The following DNAAF5 variants were observed in gnomAD, a reference collection of about 807,000 sequenced individuals.
DNAAF5 encodes HEAT repeat containing 2.
Under a neutral mutation model 75.8 loss-of-function variants are expected in DNAAF5, and 64 were observed. The ratio of observed to expected loss-of-function variants is 0.84; its 90% CI spans 0.69 to 1.04. DNAAF5 has a LOEUF of 1.04. DNAAF5 is among the 50% of genes least tolerant of loss of function. The pLI is 0.00. For synonymous variants in DNAAF5, 657 were observed against 557.2 expected (o/e 1.18, Z -2.52); for missense variants, 1,269 against 1,178.5 (o/e 1.08, Z -1.12).
At chr7:741,505 C>G (rs1338004589) in intron 4 of DNAAF5, 40 bp downstream of exon 4, 2 of 1,285,354 alleles carry the variant, frequency 1.6e-6, no homozygotes, top group African/African-American at 1.5e-5. Context: ...GGAGGCGAGC[C>G]CTTGTTGGGT....
intron 4 of DNAAF5, among the ~76,000 whole-genome samples, chr7:748,480 G>T (rs1261032225): frequency 6.6e-6 from 1 of 152,224 alleles, no homozygotes; most frequent in Non-Finnish European, 1.5e-5. Context: ...GTGTTTCTGA[G>T]TGCGGAGTTT....
chr7:741,338 G>C lies in DNAAF5; in HGVS notation c.906-9G>C, dbSNP rs1433349523. 4 of 1,583,062 alleles carry C rather than the reference G, an allele frequency of 2.5e-6. No homozygotes were observed. The highest frequency in any genetic ancestry group is 3.4e-6 in the Non-Finnish European group (4 of 1,164,328). On this transcript the variant is annotated splice_polypyrimidine_tract_variant and intron_variant, in intron 3 of 12. Coordinates refer to ENST00000297440, the MANE Select transcript of DNAAF5 (RefSeq NM_017802.4). Reference sequence around the variant, plus strand: ...CCTGAGCCACTGTTGTCTGTCTGTTGTGCCTCAGGCAGCTGGCTGCCAGCC... The same window carrying C: ...CCTGAGCCACTGTTGTCTGTCTGTTCTGCCTCAGGCAGCTGGCTGCCAGCC...
At chr7:747,009 G>C (rs185756651) in intron 4 of DNAAF5, among the ~76,000 whole-genome samples, 1 of 152,326 alleles carries the variant, frequency 6.6e-6, no homozygotes, top group East Asian at 1.9e-4. Context: ...GTTCCCTCCC[G>C]TGGATGGACC....
intron 4 of DNAAF5, among the ~76,000 whole-genome samples, chr7:744,489 C>T (rs1008733595): frequency 3.3e-5 from 5 of 151,994 alleles, no homozygotes; most frequent in East Asian, 3.9e-4. Context: ...GGTATGTGGG[C>T]GAAGGACATG....
intron 8 of DNAAF5, among the ~76,000 whole-genome samples, chr7:766,613 T>C (rs1048244394): frequency 6.6e-6 from 1 of 152,132 alleles, no homozygotes; most frequent in Non-Finnish European, 1.5e-5. Flanking sequence ...TGACACAAAA[T>C]GAGAACAAAA....
chr7:732,027 C>T lies in DNAAF5; in HGVS notation c.780+2180C>T, dbSNP rs767268092. ...AAACCTTCCAGCAGCCTGCTAGACTCGGCTTAAATCACTGAACTTCACTGG... is the reference window on the plus strand; with the variant it reads ...AAACCTTCCAGCAGCCTGCTAGACTTGGCTTAAATCACTGAACTTCACTGG... On this transcript the variant is annotated intron_variant, in intron 2 of 12. Coordinates refer to ENST00000297440, the MANE Select transcript of DNAAF5 (RefSeq NM_017802.4). 1.4e-4 allele frequency among the ~76,000 whole-genome samples: 21 copies of T among 152,342 alleles called. No individual in the cohort carries two copies. In the Middle Eastern group the frequency reaches 0.01, roughly 74 times the overall value.
At chr7:745,734 A>G (rs750122893) in intron 4 of DNAAF5, among the ~76,000 whole-genome samples, 1 of 152,232 alleles carries the variant, frequency 6.6e-6, no homozygotes, top group Non-Finnish European at 1.5e-5. Flanking sequence ...GTGTGTGTGC[A>G]CATACATGTA....
Position 774,199 on chromosome 7 carries a change from G to C in DNAAF5, c.2082+1G>C. On this transcript the variant is annotated splice_donor_variant, in intron 10 of 12. Transcript: ENST00000297440. LOFTEE classifies it high-confidence loss of function. Reference sequence around the variant, plus strand: ...CAGCGAGGTCCTGTCGGCAGAGCAGGTACGGGGCTCCCTGCGTGCTCGGTG... The same window carrying C: ...CAGCGAGGTCCTGTCGGCAGAGCAGCTACGGGGCTCCCTGCGTGCTCGGTG... 6.2e-7 allele frequency: 1 copy of C among 1,603,536 alleles called. No homozygotes were observed. The highest frequency in any genetic ancestry group is 8.5e-7 in the Non-Finnish European group (1 of 1,177,620).
chr7:742,083 T>C (rs547697012), intron 4 of DNAAF5, among the ~76,000 whole-genome samples: 4 of 152,266 alleles, frequency 2.6e-5, no homozygotes, highest in Middle Eastern at 6.8e-3. Flanking sequence ...GGCTCCCAGG[T>C]CCAGCCCCAA....
chr7:729,337 C>A (rs887204924), intron 1 of DNAAF5, among the ~76,000 whole-genome samples: 1 of 152,214 alleles, frequency 6.6e-6, no homozygotes, highest in Admixed American at 6.5e-5. Context: ...CAGGCCTCCA[C>A]CTTGGCTTCA....
At chr7:729,359 C>T (rs1400539348) in intron 1 of DNAAF5, among the ~76,000 whole-genome samples, 1 of 152,196 alleles carries the variant, frequency 6.6e-6, no homozygotes. Flanking sequence ...CAGGTCCAGG[C>T]TCTCTGGTCT....
rs754181987 is a variant in DNAAF5 at position 726,833 on chromosome 7, TG to T, written c.115del (p.Glu39ArgfsTer47). ...GCCCTGAGCCGCCTGCTGCCGGGGC[TG>T]GAGGCCGACAGCAAGCCGGGCCGGC... is the stretch of plus-strand genomic sequence containing the variant. ...SRALSRLLPGLEADSKPGRRR... is the reference protein window; with the variant it reads ...SRALSRLLPGXEADSKPGRRR... On this transcript the variant is annotated frameshift_variant, in exon 1 of 13. Coordinates refer to ENST00000297440, the MANE Select transcript of DNAAF5 (RefSeq NM_017802.4). LOFTEE classifies it high-confidence loss of function. The T allele has an allele frequency of 1.5e-6, 2 of 1,329,230 alleles. No individual in the cohort carries two copies. Among genetic ancestry groups the T allele is most frequent in the South Asian group, 2.0e-5 (1 of 50,350 alleles). 82.3% of individuals were successfully genotyped at this position (1,329,230 alleles called of 1,614,324 possible). A position where few individuals can be genotyped will look rare whatever the true frequency, so the allele number is the denominator to read the frequency against.
At chr7:770,279 AT>A (rs1032427261) in intron 8 of DNAAF5, among the ~76,000 whole-genome samples, 191 bp from the exon 9 acceptor site, 2 of 151,952 alleles carry the variant, frequency 1.3e-5, no homozygotes, top group Non-Finnish European at 2.9e-5. Flanking sequence ...GAAAAACGTG[AT>A]TTTGGGGGGT....
chr7:781,477 G>A (rs374614525), intron 12 of DNAAF5, among the ~76,000 whole-genome samples: 8 of 152,144 alleles, frequency 5.3e-5, no homozygotes, highest in South Asian at 2.1e-4. Context: ...TGGGGCATTC[G>A]GCGTGCGCGT....
At position 740,947 on chromosome 7, in the gene DNAAF5, C is replaced by T. The variant is rs377210150; in HGVS notation, c.905+4C>T. ...ACGACGAGGTGCCTGAGGTCAGGTA[C>T]GTGGGCAGGCGGCCGCGGGCCTTGT... On this transcript the variant is annotated splice_donor_region_variant and intron_variant, in intron 3 of 12. Transcript: ENST00000297440. 149 of 1,612,128 alleles carry T rather than the reference C, an allele frequency of 9.2e-5. No individual in the cohort carries two copies. Among genetic ancestry groups the T allele is most frequent in the Non-Finnish European group, 1.2e-4 (140 of 1,179,960 alleles).
chr7:736,561 T>A (rs950930155), intron 2 of DNAAF5, among the ~76,000 whole-genome samples: 1 of 152,246 alleles, frequency 6.6e-6, no homozygotes, highest in Non-Finnish European at 1.5e-5. Context: ...AATATCTTTT[T>A]TCGCATCCCT....
At chr7:742,161 C>T (rs933244869) in intron 4 of DNAAF5, among the ~76,000 whole-genome samples, 2 of 152,326 alleles carry the variant, frequency 1.3e-5, no homozygotes, top group Admixed American at 6.5e-5. Context: ...CCTCCTCTCG[C>T]GGGGCTGAGT....
rs911841156 is a variant in DNAAF5, at chr7:726,771, G to A, written c.51G>A (p.Glu17=). 37 of 1,262,632 alleles carry A rather than the reference G, an allele frequency of 2.9e-5. No individual in the cohort carries two copies. The highest frequency in any genetic ancestry group is 4.2e-5 in the Admixed American group (1 of 23,822). 78.2% of individuals were successfully genotyped at this position (1,262,632 alleles called of 1,614,324 possible). A position where few individuals can be genotyped will look rare whatever the true frequency, so the allele number is the denominator to read the frequency against. ...CCGTGGCGGCCCCACACCCGGCTGA[G>A]GGGGCCGAGACGGCTGAGGCGGTGG... is the stretch of plus-strand genomic sequence containing the variant. ...AEAVAAPHPA[E]GAETAEAVEL... is the part of the protein sequence containing the mutation. The change falls in exon 1 of 13, where the codon GAG becomes GAA. Residue 17 remains glutamate (E), a synonymous_variant. Coordinates refer to ENST00000297440, the MANE Select transcript of DNAAF5 (RefSeq NM_017802.4).
At chr7:751,492 C>G (rs1034706078) in intron 4 of DNAAF5, among the ~76,000 whole-genome samples, 1 of 151,152 alleles carries the variant, frequency 6.6e-6, no homozygotes, top group African/African-American at 2.4e-5. Context: ...AGAGTGAGAC[C>G]CTTTCTCTAA....
Sources: allele counts gnomAD v4.1 joint callset (sites outside exome capture counted in the v4.1 genomes callset), GRCh38; gene constraint gnomAD v4.1.1; transcripts MANE v1.5; gene names NCBI Gene and HGNC (gene_info 2026-07-23, HGNC 2026-07-21).